The following DENND4A variants were observed in gnomAD, a reference collection of about 807,000 sequenced individuals.
DENND4A encodes DENN domain containing 4A, also known as C-myc promoter-binding protein.
Under a neutral mutation model 199.3 loss-of-function variants are expected in DENND4A, and 70 were observed. The observed-to-expected ratio is 0.35, with a 90% CI of 0.29 to 0.43. The LOEUF is 0.43. DENND4A is among the 20% of genes least tolerant of loss of function. The pLI is 1.00. For missense variants in DENND4A, 1,723 were observed against 2,255.8 expected (o/e 0.76, Z 4.78); for synonymous variants, 686 against 766.9 (o/e 0.89, Z 1.74).
intron 23 of DENND4A, among the ~76,000 whole-genome samples, chr15:65,683,572 C>G (rs887542464): frequency 1.3e-5 from 2 of 152,138 alleles, no homozygotes; most frequent in Non-Finnish European, 1.5e-5. Context: ...TATTTTTGTT[C>G]ATTCCACTCA....
At chr15:65,784,659 G>C (rs1248743154) in intron 1 of DENND4A, among the ~76,000 whole-genome samples, 3 of 152,082 alleles carry the variant, frequency 2.0e-5, no homozygotes, top group Non-Finnish European at 4.4e-5. Context: ...AGGTAGTATT[G>C]TGCAAAATAA....
intron 1 of DENND4A, among the ~76,000 whole-genome samples, chr15:65,783,238 A>G (rs1181641654): frequency 6.6e-6 from 1 of 152,248 alleles, no homozygotes; most frequent in Non-Finnish European, 1.5e-5. Context: ...TCTCATGGAG[A>G]TACAGGTTAA....
chr15:65,772,131 T>C, intron 1 of DENND4A: 1 of 785,024 alleles, frequency 1.3e-6, no homozygotes, highest in South Asian at 1.5e-5. Flanking sequence ...TTCATCCCTG[T>C]TCCCCTCCAT....
chr15:65,726,605 A>G (rs1168783350), intron 11 of DENND4A, among the ~76,000 whole-genome samples: 6 of 152,222 alleles, frequency 3.9e-5, no homozygotes, highest in Non-Finnish European at 7.3e-5. Context: ...ATTTTCTGCT[A>G]AACTTTTCTA....
intron 14 of DENND4A, among the ~76,000 whole-genome samples, chr15:65,710,150 G>T (rs183599674): frequency 2.6e-4 from 39 of 152,180 alleles, no homozygotes; most frequent in African/African-American, 9.4e-4. Flanking sequence ...TAATACCCTA[G>T]TTAGCAAAAT....
chr15:65,745,353 A>G (rs983703719), intron 4 of DENND4A, among the ~76,000 whole-genome samples: 3 of 152,326 alleles, frequency 2.0e-5, no homozygotes, highest in Admixed American at 2.0e-4. Flanking sequence ...ACTAAAAAAT[A>G]AAAACCCTTA....
intron 11 of DENND4A, among the ~76,000 whole-genome samples, chr15:65,724,136 C>A (rs2075731309): frequency 6.6e-6 from 1 of 152,100 alleles, no homozygotes; most frequent in South Asian, 2.1e-4. Context: ...CGGCTCACTG[C>A]AGTCTTAACT....
chr15:65,750,859 T>C (rs1265362606), intron 4 of DENND4A, among the ~76,000 whole-genome samples: 2 of 152,150 alleles, frequency 1.3e-5, no homozygotes, highest in African/African-American at 2.4e-5. Flanking sequence ...AGAGTAGTGA[T>C]AGGATCTGAT....
At chr15:65,733,423 A>T (rs1342799732) in intron 7 of DENND4A, among the ~76,000 whole-genome samples, 1 of 152,086 alleles carries the variant, frequency 6.6e-6, no homozygotes. Flanking sequence ...TTATTTCTGA[A>T]TTTTTTTAAA....
intron 1 of DENND4A, among the ~76,000 whole-genome samples, chr15:65,787,933 G>A (rs2077609116): frequency 6.6e-6 from 1 of 152,176 alleles, no homozygotes; most frequent in Non-Finnish European, 1.5e-5. Flanking sequence ...AAATGACTAA[G>A]CAGAGGAATC....
intron 23 of DENND4A, among the ~76,000 whole-genome samples, chr15:65,677,980 T>A (rs1389476429): frequency 6.9e-6 from 1 of 145,702 alleles, no homozygotes; most frequent in Non-Finnish European, 1.5e-5. Context: ...CAGGCTGGAG[T>A]GCAGTGGCAT....
intron 1 of DENND4A, among the ~76,000 whole-genome samples, chr15:65,791,414 C>G (rs1024153205): frequency 2.0e-5 from 3 of 151,872 alleles, no homozygotes; most frequent in Admixed American, 6.5e-5. Context: ...CAATAAACTT[C>G]AAAGGGAATG....
At chr15:65,668,210 C>CTTTTTT (rs878910664) in intron 27 of DENND4A, 87 bp from the exon 28 acceptor site, 2 of 671,148 alleles carry the variant, frequency 3.0e-6, no homozygotes, top group Non-Finnish European at 4.5e-6. Context: ...CTCTCTCTCT[C>CTTTTTT]TTTTTTTTTT....
chr15:65,776,203 T>C (rs1354375647), intron 1 of DENND4A, among the ~76,000 whole-genome samples: 1 of 152,212 alleles, frequency 6.6e-6, no homozygotes, highest in Non-Finnish European at 1.5e-5. Context: ...TGTTTTAGCA[T>C]ACTCCCTGGC....
At chr15:65,753,505 T>C (rs2076619559) in intron 3 of DENND4A, among the ~76,000 whole-genome samples, 1 of 151,492 alleles carries the variant, frequency 6.6e-6, no homozygotes, top group Non-Finnish European at 1.5e-5. Context: ...ATTACAGGCG[T>C]GTGGCACCAC....
intron 11 of DENND4A, chr15:65,727,784 A>G (rs772829701): frequency 8.7e-5 from 33 of 378,212 alleles, no homozygotes; most frequent in South Asian, 3.7e-4. Context: ...TAGATTAAGT[A>G]TGATTAAATT....
At chr15:65,666,284 T>C (rs1431061213) in intron 29 of DENND4A, among the ~76,000 whole-genome samples, 2 of 152,226 alleles carry the variant, frequency 1.3e-5, no homozygotes, top group Non-Finnish European at 2.9e-5. Context: ...CCAGCATCAC[T>C]GCTTTGTGCC....
chr15:65,705,962 GC>G, intron 15 of DENND4A, 128 bp downstream of exon 15: 1 of 1,326,844 alleles, frequency 7.5e-7, no homozygotes, highest in East Asian at 2.9e-5. Context: ...GGATAAGCTT[GC>G]TTACCACCTA....
intron 32 of DENND4A, among the ~76,000 whole-genome samples, chr15:65,663,471 A>G (rs181246093): frequency 9.4e-4 from 143 of 152,074 alleles, no homozygotes; most frequent in African/African-American, 3.4e-3. Flanking sequence ...GGCCTCCTAC[A>G]GTGTTGGGAT....
Sources: allele counts gnomAD v4.1 joint callset (sites outside exome capture counted in the v4.1 genomes callset), GRCh38; gene constraint gnomAD v4.1.1; transcripts MANE v1.5; gene names NCBI Gene and HGNC (gene_info 2026-07-23, HGNC 2026-07-21).